SRPK2: variants seen among roughly 807,000 people sequenced by gnomAD.
SRPK2 encodes SRSF protein kinase 2.
SRPK2 carries 21 observed loss-of-function variants against 90.8 expected under a neutral mutation model. That is an observed-to-expected ratio of 0.23 (90% confidence interval 0.16 to 0.33). The LOEUF (loss-of-function observed/expected upper bound fraction) is 0.33, where lower values mean the gene tolerates loss of function less well. SRPK2 is among the 10% of genes least tolerant of loss of function. SRPK2 has a pLI of 1.00. For synonymous variants in SRPK2, 288 were observed against 311.1 expected, an observed-to-expected ratio of 0.93 and a Z score of 0.78; for missense variants, 620 against 869.0, an observed-to-expected ratio of 0.71 and a Z score of 3.60.
At chr7:105,123,888 C>G (rs955009270) in intron 15 of SRPK2, among the ~76,000 whole-genome samples, 1 of 152,200 alleles carries the variant, frequency 6.6e-6, no homozygotes, top group Non-Finnish European at 1.5e-5. Flanking sequence ...CGAGGTACCA[C>G]AGGAACACCA....
rs73715444 is a variant in SRPK2 at position 105,204,701 on chromosome 7, G to A, written c.72-916C>T. 3.3e-3 allele frequency: 2,955 copies of A among 899,798 alleles called. 56 individuals are homozygous for A. The African/African-American group carries it at 0.043, about 13-fold the overall frequency. The allele number at this position is 899,798 out of a possible 1,614,324, so 55.7% of individuals were successfully genotyped here. A position where few individuals can be genotyped will look rare whatever the true frequency, so the allele number is the denominator to read the frequency against. On this transcript the variant is annotated intron_variant, in intron 2 of 15. Transcript: ENST00000393651. ...CAACGGCAGCCCTCAGGCCTGCTGCGTCTAGAAGAACAAGCTTGACAAACA... is the reference window on the plus strand; with the variant it reads ...CAACGGCAGCCCTCAGGCCTGCTGCATCTAGAAGAACAAGCTTGACAAACA...
chr7:105,346,869 A>AC (rs1816521315), intron 2 of SRPK2, among the ~76,000 whole-genome samples: 1 of 151,596 alleles, frequency 6.6e-6, no homozygotes, highest in Non-Finnish European at 1.5e-5. Flanking sequence ...AAAAAAAAAA[A>AC]AAAAAACTTT....
intron 7 of SRPK2, among the ~76,000 whole-genome samples, chr7:105,154,192 GAAGA>G (rs1806161946): frequency 6.6e-6 from 1 of 152,212 alleles, no homozygotes; most frequent in Non-Finnish European, 1.5e-5. Flanking sequence ...ATGTCATCAG[GAAGA>G]AAGTTAAAGC....
chr7:105,146,428 A>G, intron 8 of SRPK2, 65 bp downstream of exon 8: 1 of 1,550,978 alleles, frequency 6.4e-7, no homozygotes. Flanking sequence ...GATACCTTCA[A>G]CAACTGCAAC....
chr7:105,347,609 T>C (rs1011422834), intron 2 of SRPK2, among the ~76,000 whole-genome samples: 2 of 151,860 alleles, frequency 1.3e-5, no homozygotes, highest in African/African-American at 4.8e-5. Context: ...CTCCCAGCAC[T>C]TTGGGAGACT....
chr7:105,272,756 G>A (rs1415508311), intron 2 of SRPK2, among the ~76,000 whole-genome samples: 1 of 151,980 alleles, frequency 6.6e-6, no homozygotes. Flanking sequence ...TTTTCACCTA[G>A]ACAGTCTCTG....
intron 2 of SRPK2, among the ~76,000 whole-genome samples, chr7:105,237,077 A>G (rs973929121): frequency 1.3e-5 from 2 of 152,190 alleles, no homozygotes; most frequent in Non-Finnish European, 2.9e-5. Context: ...GCCATACATG[A>G]CCAGCTTTCT....
At chr7:105,257,016 G>C (rs994426554) in intron 2 of SRPK2, among the ~76,000 whole-genome samples, 1 of 152,202 alleles carries the variant, frequency 6.6e-6, no homozygotes, top group African/African-American at 2.4e-5. Context: ...ACTTAGCACT[G>C]CATGTCCAAG....
rs1334742938 is a variant in SRPK2, at chr7:105,334,849, C to CA, written c.71+53798dup. Among the ~76,000 whole-genome samples the CA allele has an allele frequency of 2.8e-3, 368 of 130,824 alleles. 11 individuals are homozygous for CA. Among genetic ancestry groups the CA allele is most frequent in the African/African-American group, 9.4e-3 (319 of 33,908 alleles). The allele number at this position is 130,824 out of a possible 152,430, so 85.8% of individuals were successfully genotyped here. A position where few individuals can be genotyped will look rare whatever the true frequency, so the allele number is the denominator to read the frequency against. ...GGATACAGACCAAAAAAAAAAAAAA[C>CA]AAAAAAAAAATTAATTAACTTAAAG... On this transcript the variant is annotated intron_variant, in intron 2 of 15. Coordinates refer to ENST00000393651, the MANE Select transcript of SRPK2 (RefSeq NM_182692.3).
At position 105,142,248 on chromosome 7, in the gene SRPK2, C is replaced by T. The variant is rs2129576676; in HGVS notation, c.1303G>A (p.Asp435Asn). ...TCATAGGAGCTGCTATATGTGTAAT[C>T]ACTTTCTGCATTTGGCTCATCAAGA... Reference protein sequence around the residue: ...YNLDEPNAESDYTYSSSYEQF... With the variant: ...YNLDEPNAESNYTYSSSYEQF... Residue 435 changes from aspartate to asparagine, a missense_variant, in exon 11 of 16, where the codon GAT becomes AAT. By Grantham distance (23) the Asp-to-Asn change is conservative. Transcript: ENST00000393651. The T allele has an allele frequency of 1.2e-6, 2 of 1,614,136 alleles. No homozygotes were observed. The highest frequency in any genetic ancestry group is 2.2e-5 in the South Asian group (2 of 91,082).
At position 105,373,784 on chromosome 7, in the gene SRPK2, C is replaced by T. The variant is rs143956275; in HGVS notation, c.71+14864G>A. Among the ~76,000 whole-genome samples, 359 of 152,218 alleles carry T rather than the reference C, an allele frequency of 2.4e-3. 2 individuals carry two copies. The highest frequency in any genetic ancestry group is 8.3e-3 in the African/African-American group (344 of 41,548). ...TCCTGCAGTAAGCTGACCTTACTGT[C>T]GTAAGTGCTTTAAATGTCTCCTTGA... On this transcript the variant is annotated intron_variant, in intron 2 of 15. Transcript: ENST00000393651.
intron 2 of SRPK2, among the ~76,000 whole-genome samples, chr7:105,339,392 T>A (rs908970555): frequency 6.6e-6 from 1 of 152,140 alleles, no homozygotes; most frequent in African/African-American, 2.4e-5. Context: ...TGATCCAGGG[T>A]CTATGAACCA....
chr7:105,199,896 TAAAAAAAAAA>T (rs67036595), intron 3 of SRPK2, among the ~76,000 whole-genome samples: 1 of 138,024 alleles, frequency 7.2e-6, no homozygotes, highest in Non-Finnish European at 1.6e-5. Context: ...TTGTTTAATT[TAAAAAAAAAA>T]AAAAAAAAAG....
Position 105,304,000 on chromosome 7 carries a change from G to A in SRPK2, c.71+84648C>T, listed in dbSNP as rs950743890. On this transcript the variant is annotated intron_variant, in intron 2 of 15. Coordinates refer to ENST00000393651, the MANE Select transcript of SRPK2 (RefSeq NM_182692.3). ...AGTTGACTTCAAAAGTTTTCATTAC[G>A]ACCTGAAAACATGAAATTTGCAATG... 2.4e-4 allele frequency among the ~76,000 whole-genome samples: 37 copies of A among 152,072 alleles called. 1 individual carries two copies. The highest frequency in any genetic ancestry group is 8.7e-4 in the African/African-American group (36 of 41,402).
At chr7:105,188,109 G>A (rs1181248908) in intron 3 of SRPK2, among the ~76,000 whole-genome samples, 1 of 152,154 alleles carries the variant, frequency 6.6e-6, no homozygotes, top group Non-Finnish European at 1.5e-5. Context: ...ATAGCCAAAA[G>A]TGATAACAAC....
intron 2 of SRPK2, among the ~76,000 whole-genome samples, chr7:105,358,507 G>A (rs961791457): frequency 2.0e-5 from 3 of 151,930 alleles, no homozygotes; most frequent in Non-Finnish European, 2.9e-5. Context: ...ACAACATGAC[G>A]AAACTCAGTC....
intron 7 of SRPK2, among the ~76,000 whole-genome samples, chr7:105,147,985 G>A (rs1485423892): frequency 6.6e-6 from 1 of 152,102 alleles, no homozygotes; most frequent in Non-Finnish European, 1.5e-5. Flanking sequence ...ATACATTTTT[G>A]TGTGAACATA....
chr7:105,340,584 T>C (rs1815651055), intron 2 of SRPK2, among the ~76,000 whole-genome samples: 2 of 151,886 alleles, frequency 1.3e-5, no homozygotes, highest in African/African-American at 2.4e-5. Flanking sequence ...GCTAAGTTTT[T>C]TGGTTTTTGT....
At chr7:105,338,080 T>TAAAAAAA (rs34625808) in intron 2 of SRPK2, among the ~76,000 whole-genome samples, 1 of 140,392 alleles carries the variant, frequency 7.1e-6, no homozygotes. Flanking sequence ...GAAAGAATAT[T>TAAAAAAA]AAAAAAAAAA....
Sources: gnomAD v4.1 joint callset for allele counts (sites outside exome capture counted in the v4.1 genomes callset) on GRCh38, gnomAD v4.1.1 for gene constraint, MANE v1.5 for transcripts, NCBI Gene and HGNC (gene_info 2026-07-23, HGNC 2026-07-21) for gene names.